The following NSUN4 variants were observed in gnomAD, a reference collection of about 807,000 sequenced individuals.
The protein encoded by NSUN4 is 5-cytosine rRNA methyltransferase NSUN4.
NSUN4 carries 31 observed loss-of-function variants against 43.8 expected under a neutral mutation model. The observed-to-expected ratio is 0.71, with a 90% confidence interval of 0.53 to 0.96. NSUN4 has a LOEUF of 0.96. Among genes scored for constraint, NSUN4 ranks in the 40% least tolerant of loss-of-function variants. The probability of loss-of-function intolerance (pLI) is 0.00; values close to 1 mark genes in which losing one functional copy is unlikely to be tolerated. For synonymous variants in NSUN4, 167 were observed against 184.1 expected, an observed-to-expected ratio of 0.91 and a Z score of 0.75; for missense variants, 439 against 475.6, an observed-to-expected ratio of 0.92 and a Z score of 0.72.
chr1:46,359,904 G>T (rs1663691848), intron 4 of NSUN4, among the ~76,000 whole-genome samples: 2 of 151,870 alleles, frequency 1.3e-5, no homozygotes, highest in Non-Finnish European at 2.9e-5. Context: ...TAGTTAGTCT[G>T]GGCAACATAG....
the NSUN4 span, among the ~76,000 whole-genome samples, chr1:46,374,053 G>A: frequency 1.3e-5 from 2 of 152,030 alleles, no homozygotes; most frequent in African/African-American, 4.8e-5. Context: ...TTGGAAGGCC[G>A]AGGCGGGTGG....
intron 4 of NSUN4, among the ~76,000 whole-genome samples, chr1:46,354,715 C>A (rs6429598): frequency 6.6e-6 from 1 of 151,244 alleles, no homozygotes. Flanking sequence ...AGTGCAGTGG[C>A]GCAATCTTGG....
chr1:46,355,769 C>T lies in NSUN4; in HGVS notation c.753+2741C>T, dbSNP rs181380426. On this transcript the variant is annotated intron_variant, in intron 4 of 5. Coordinates refer to ENST00000474844, the MANE Select transcript of NSUN4 (RefSeq NM_199044.4). Reference sequence around the variant, plus strand: ...GTGGCTAACGACTGTAATCCCAGCACTTTGGGAGGCCAAGGTGGGTGGATC... The same window carrying T: ...GTGGCTAACGACTGTAATCCCAGCATTTTGGGAGGCCAAGGTGGGTGGATC... 2.2e-3 allele frequency among the ~76,000 whole-genome samples: 329 copies of T among 152,268 alleles called. 1 individual carries two copies. The highest frequency in any genetic ancestry group is 7.7e-3 in the African/African-American group (318 of 41,556).
At chr1:46,342,763 C>T (rs1455824239) in intron 1 of NSUN4, 1 of 399,256 alleles carries the variant, frequency 2.5e-6, no homozygotes, top group Admixed American at 4.4e-5. Flanking sequence ...CCGAAGTCCC[C>T]TAAGTCCCCA....
At chr1:46,376,268 G>T in the NSUN4 span, among the ~76,000 whole-genome samples, 1 of 151,794 alleles carries the variant, frequency 6.6e-6, no homozygotes, top group African/African-American at 2.4e-5. Context: ...AAATAGACGG[G>T]TGTAGTGGTG....
In NSUN4 at chr1:46,356,132, C is replaced by T. The variant is rs371014614; in HGVS notation, c.753+3104C>T. ...TGTTGCCCAGGCTGGAATGCAGTGGCGCAATCATGGCTCACTGCAGTCTTG... is the reference window on the plus strand; with the variant it reads ...TGTTGCCCAGGCTGGAATGCAGTGGTGCAATCATGGCTCACTGCAGTCTTG... On this transcript the variant is annotated intron_variant, in intron 4 of 5. Transcript: ENST00000474844. Among the ~76,000 whole-genome samples the T allele has an allele frequency of 4.0e-4, 61 of 152,116 alleles. No homozygotes were observed. The South Asian group carries it at 0.011, about 28-fold the overall frequency.
downstream of NSUN4, among the ~76,000 whole-genome samples, chr1:46,367,018 A>G (rs532351556): frequency 1.8e-4 from 27 of 152,298 alleles, no homozygotes; most frequent in Non-Finnish European, 8.8e-5. Context: ...AAATAAAGAC[A>G]AAAAACACCA....
At chr1:46,374,018 G>A in the NSUN4 span, among the ~76,000 whole-genome samples, 1 of 152,086 alleles carries the variant, frequency 6.6e-6, no homozygotes, top group Non-Finnish European at 1.5e-5. Flanking sequence ...CGGGCGCAGT[G>A]GCTCACACCT....
At chr1:46,350,944 G>A (rs1457032642) in intron 3 of NSUN4, among the ~76,000 whole-genome samples, 1 of 152,138 alleles carries the variant, frequency 6.6e-6, no homozygotes, top group African/African-American at 2.4e-5. Context: ...GGAAAGGATT[G>A]GGCAAAAGAG....
At chr1:46,359,485 T>C (rs1447883206) in intron 4 of NSUN4, among the ~76,000 whole-genome samples, 1 of 150,966 alleles carries the variant, frequency 6.6e-6, no homozygotes, top group Non-Finnish European at 1.5e-5. Flanking sequence ...GTTCAAGCAA[T>C]TCTCCCACCT....
chr1:46,341,083 A>C, intron 1 of NSUN4, 164 bp downstream of exon 1: 2 of 1,176,070 alleles, frequency 1.7e-6, no homozygotes, highest in African/African-American at 1.6e-5. Context: ...CTCTGTCCGC[A>C]CTCTATGTCC....
chr1:46,352,042 G>A (rs2148391366), intron 3 of NSUN4, among the ~76,000 whole-genome samples: 1 of 151,590 alleles, frequency 6.6e-6, no homozygotes, highest in South Asian at 2.1e-4. Context: ...TGCCCAGGCT[G>A]GTCTTGAACT....
intron 1 of NSUN4, chr1:46,342,422 C>T (rs1311388791): frequency 1.3e-5 from 5 of 399,124 alleles, no homozygotes; most frequent in Non-Finnish European, 2.2e-5. Context: ...CCTCAGAGGC[C>T]TACATACCTA....
At chr1:46,341,795 C>T (rs1364502188) in intron 1 of NSUN4, 1 of 1,232,408 alleles carries the variant, frequency 8.1e-7, no homozygotes, top group African/African-American at 1.6e-5. Flanking sequence ...CGGGGTCACC[C>T]CCTCTCTGTC....
chr1:46,341,692 C>G (rs1376599735), intron 1 of NSUN4: 38 of 1,229,880 alleles, frequency 3.1e-5, no homozygotes, highest in Non-Finnish European at 3.6e-5. Context: ...TCTTTTGAGT[C>G]CTCTTCCCCA....
intron 2 of NSUN4, among the ~76,000 whole-genome samples, chr1:46,346,329 C>T (rs1212377103): frequency 1.3e-5 from 2 of 151,502 alleles, no homozygotes; most frequent in Admixed American, 6.6e-5. Context: ...GCGGGCAGAT[C>T]ATCTGAGGTT....
chr1:46,380,278 C>A, the NSUN4 span, among the ~76,000 whole-genome samples: 1 of 152,178 alleles, frequency 6.6e-6, no homozygotes, highest in African/African-American at 2.4e-5. Context: ...CAGCTGACTG[C>A]GGATGCTGAC....
chr1:46,357,525 C>T (rs1313005640), intron 4 of NSUN4, among the ~76,000 whole-genome samples: 3 of 152,188 alleles, frequency 2.0e-5, no homozygotes, highest in East Asian at 3.8e-4. Context: ...ATATTGCCAT[C>T]GATTTATAGT....
At chr1:46,356,249 T>G (rs1450575053) in intron 4 of NSUN4, among the ~76,000 whole-genome samples, 5 of 152,134 alleles carry the variant, frequency 3.3e-5, no homozygotes, top group Admixed American at 6.5e-5. Context: ...TTTTTAACTT[T>G]TTGTAGAGAT....
Sources: allele counts gnomAD v4.1 joint callset (sites outside exome capture counted in the v4.1 genomes callset), GRCh38; gene constraint gnomAD v4.1.1; transcripts MANE v1.5; gene names NCBI Gene and HGNC (gene_info 2026-07-23, HGNC 2026-07-21).